The following BMPR1B variants were observed in gnomAD, a reference collection of about 807,000 sequenced individuals.
The protein encoded by BMPR1B is bone morphogenetic protein receptor type-1B.
BMPR1B carries 12 observed loss-of-function variants against 59.1 expected under a neutral mutation model. That is an observed-to-expected ratio of 0.20 (90% CI 0.13 to 0.33). BMPR1B has a LOEUF of 0.33. Among genes scored for constraint, BMPR1B ranks in the 10% least tolerant of loss-of-function variants. BMPR1B has a pLI of 1.00. For synonymous variants in BMPR1B, 237 were observed against 207.3 expected (o/e 1.14, Z -1.23); for missense variants, 550 against 610.9 (o/e 0.90, Z 1.05).
intron 1 of BMPR1B, among the ~76,000 whole-genome samples, chr4:94,831,216 CAAG>C: frequency 2.4e-5 from 1 of 41,020 alleles, no homozygotes; most frequent in African/African-American, 1.1e-4. Context: ...TCGTTTTTAA[CAAG>C]AAAGTTTAAA....
intron 3 of BMPR1B, among the ~76,000 whole-genome samples, chr4:95,093,929 A>G (rs575499486): frequency 4.6e-5 from 7 of 152,212 alleles, no homozygotes; most frequent in East Asian, 1.9e-4. Context: ...TTTGGTGGTT[A>G]TGGTTTCCAT....
At chr4:95,027,607 A>G (rs1398522838) in intron 3 of BMPR1B, among the ~76,000 whole-genome samples, 2 of 152,206 alleles carry the variant, frequency 1.3e-5, no homozygotes, top group East Asian at 1.9e-4. Context: ...CTTGCTACCT[A>G]TATTTCAAGG....
chr4:95,030,892 C>T (rs531799432), intron 3 of BMPR1B, among the ~76,000 whole-genome samples: 4 of 152,258 alleles, frequency 2.6e-5, no homozygotes, highest in African/African-American at 9.6e-5. Flanking sequence ...AATGGAAGAA[C>T]ATTCCATGCT....
intron 1 of BMPR1B, among the ~76,000 whole-genome samples, chr4:94,840,843 T>G (rs1725030088): frequency 3.4e-5 from 5 of 148,722 alleles, no homozygotes; most frequent in African/African-American, 9.9e-5. Flanking sequence ...GGCGCTCTGC[T>G]TTTTGGAGTT....
rs1036961671 is a variant in BMPR1B, at chr4:94,758,061, A to G, written c.-190A>G. On this transcript the variant is annotated 5_prime_UTR_variant, in exon 1 of 13. Transcript: ENST00000515059. ...CTGAGGACGCGGGAGCCGGGAGCGC[A>G]GCCGCGGGTAAGGCGCGCGCGGCGG... 1 of 147,976 alleles carries G rather than the reference A, an allele frequency of 6.8e-6. No homozygotes were observed. Among genetic ancestry groups the G allele is most frequent in the Non-Finnish European group, 1.5e-5 (1 of 66,156 alleles). The allele number at this position is 147,976 out of a possible 1,614,324, so 9.2% of individuals were successfully genotyped here. A position where few individuals can be genotyped will look rare whatever the true frequency, so the allele number is the denominator to read the frequency against.
chr4:95,045,578 T>G (rs988721294), intron 3 of BMPR1B, among the ~76,000 whole-genome samples: 11 of 152,210 alleles, frequency 7.2e-5, no homozygotes, highest in South Asian at 2.1e-4. Flanking sequence ...TTCCTTTGCC[T>G]TCCCTTCACC....
intron 4 of BMPR1B, among the ~76,000 whole-genome samples, chr4:95,107,739 A>T (rs1340379024): frequency 1.3e-5 from 2 of 152,044 alleles, no homozygotes; most frequent in African/African-American, 4.8e-5. Context: ...TGTGGCCGGG[A>T]CTCCAAAGTC....
At chr4:94,762,687 A>G (rs1039273597) in intron 1 of BMPR1B, among the ~76,000 whole-genome samples, 3 of 152,184 alleles carry the variant, frequency 2.0e-5, no homozygotes, top group Admixed American at 2.0e-4. Flanking sequence ...ATGATTTAGC[A>G]TGTCTGTATA....
intron 3 of BMPR1B, among the ~76,000 whole-genome samples, chr4:95,022,927 A>AAT: frequency 6.6e-6 from 1 of 152,168 alleles, no homozygotes; most frequent in Non-Finnish European, 1.5e-5. Flanking sequence ...GATCACCAAT[A>AAT]ATGCCTTGGT....
intron 2 of BMPR1B, among the ~76,000 whole-genome samples, chr4:94,936,474 C>T (rs1168934488): frequency 6.6e-6 from 1 of 152,008 alleles, no homozygotes; most frequent in African/African-American, 2.4e-5. Flanking sequence ...AGCTTCTTTG[C>T]TTTGACAGGT....
At chr4:94,930,677 A>T (rs1729064053) in intron 2 of BMPR1B, among the ~76,000 whole-genome samples, 1 of 152,164 alleles carries the variant, frequency 6.6e-6, no homozygotes. Flanking sequence ...ACAAGTACCA[A>T]TACTTTTAAA....
chr4:94,782,255 G>GT (rs1334830448), intron 1 of BMPR1B, among the ~76,000 whole-genome samples: 2 of 151,794 alleles, frequency 1.3e-5, no homozygotes, highest in African/African-American at 4.8e-5. Context: ...TCTTCTGTCA[G>GT]TTGAAAGATA....
chr4:95,101,355 T>C (rs1730806601), intron 3 of BMPR1B, among the ~76,000 whole-genome samples: 1 of 152,122 alleles, frequency 6.6e-6, no homozygotes, highest in Non-Finnish European at 1.5e-5. Flanking sequence ...GGCATCTCAG[T>C]GATATGTGTG....
At chr4:95,000,041 T>G (rs1002451360) in intron 3 of BMPR1B, among the ~76,000 whole-genome samples, 1 of 152,158 alleles carries the variant, frequency 6.6e-6, no homozygotes, top group Non-Finnish European at 1.5e-5. Flanking sequence ...CCATCATACA[T>G]AAAAGTACTT....
chr4:95,021,309 A>G (rs1032059467), intron 3 of BMPR1B, among the ~76,000 whole-genome samples: 1 of 152,206 alleles, frequency 6.6e-6, no homozygotes, highest in Non-Finnish European at 1.5e-5. Context: ...TGATTGTCTT[A>G]TTGCATACTT....
chr4:95,051,760 A>C, intron 3 of BMPR1B: 1 of 1,535,564 alleles, frequency 6.5e-7, no homozygotes, highest in Non-Finnish European at 8.7e-7. Flanking sequence ...TCTTCTCTCT[A>C]TGCACACAAG....
At chr4:94,876,213 A>G (rs1726725722) in intron 2 of BMPR1B, among the ~76,000 whole-genome samples, 1 of 152,202 alleles carries the variant, frequency 6.6e-6, no homozygotes, top group Non-Finnish European at 1.5e-5. Context: ...ATAACCTTTT[A>G]CCAACCATTG....
chr4:94,906,370 G>A (rs918114740), intron 2 of BMPR1B, among the ~76,000 whole-genome samples: 1 of 152,058 alleles, frequency 6.6e-6, no homozygotes, highest in African/African-American at 2.4e-5. Flanking sequence ...GAATACTGAT[G>A]CATTTCAGAC....
At chr4:95,114,591 TC>T in intron 4 of BMPR1B, 128 bp from the exon 5 acceptor site, 3 of 844,460 alleles carry the variant, frequency 3.6e-6, no homozygotes, top group Non-Finnish European at 6.1e-6. Flanking sequence ...TCATTGACAT[TC>T]TCCTTGTTGC....
Sources: gnomAD v4.1 joint callset for allele counts (sites outside exome capture counted in the v4.1 genomes callset) on GRCh38, gnomAD v4.1.1 for gene constraint, MANE v1.5 for transcripts, NCBI Gene and HGNC (gene_info 2026-07-23, HGNC 2026-07-21) for gene names.